The following NEK9 variants were observed in gnomAD, a reference collection of about 807,000 sequenced individuals.
NEK9 encodes NIMA related kinase 9.
Under a neutral mutation model 123.4 loss-of-function variants are expected in NEK9, and 75 were observed. The observed-to-expected ratio is 0.61, with a 90% CI of 0.50 to 0.74. The LOEUF is 0.74. Among genes scored for constraint, NEK9 ranks in the 30% least tolerant of loss-of-function variants. NEK9 has a pLI of 0.00. For missense variants in NEK9, 952 were observed against 1,214.4 expected (o/e 0.78, Z 3.21); for synonymous variants, 438 against 458.7 (o/e 0.95, Z 0.58).
At chr14:75,120,706 T>TC in intron 3 of NEK9, 126 bp from the exon 4 acceptor site, 1 of 730,840 alleles carries the variant, frequency 1.4e-6, no homozygotes, top group African/African-American at 1.8e-5. Flanking sequence ...TGACTTGACA[T>TC]CTCTTCCTTG....
rs11159116 is a variant in NEK9 at position 75,083,881 on chromosome 14, G to C, written c.*683C>G. 5 of 152,026 alleles carry C rather than the reference G, an allele frequency of 3.3e-5. No homozygotes were observed. Among genetic ancestry groups the C allele is most frequent in the Admixed American group, 6.6e-5 (1 of 15,260 alleles). 9.4% of individuals were successfully genotyped at this position (152,026 alleles called of 1,614,324 possible). A position where few individuals can be genotyped will look rare whatever the true frequency, so the allele number is the denominator to read the frequency against. On this transcript the variant is annotated 3_prime_UTR_variant, in exon 22 of 22. Transcript: ENST00000238616. The stretch of plus-strand genomic sequence containing the variant: ...GCCTGAAACACCAGCTGTGTGATGA[G>C]GAGGGTCCTGCCCTTTCTCTATTCC...
intron 6 of NEK9, among the ~76,000 whole-genome samples, chr14:75,115,068 T>C (rs1199805475): frequency 1.0e-5 from 1 of 98,110 alleles, no homozygotes; most frequent in Non-Finnish European, 2.3e-5. Flanking sequence ...CACACGTGTG[T>C]GCACATATAT....
rs199728487 is a variant in NEK9, at chr14:75,103,129, G to A, written c.1731+713C>T. ...AATGGGTACAGCACACCAACATGGC[G>A]TATGTATACATATGTAACAAACCTG... On this transcript the variant is annotated intron_variant, in intron 14 of 21. Coordinates refer to ENST00000238616, the MANE Select transcript of NEK9 (RefSeq NM_033116.6). 1.7e-4 allele frequency among the ~76,000 whole-genome samples: 26 copies of A among 151,538 alleles called. 1 individual carries two copies. Among genetic ancestry groups the A allele is most frequent in the South Asian group, 8.4e-4 (4 of 4,784 alleles).
chr14:75,111,645 C>T (rs1415109628), intron 8 of NEK9, among the ~76,000 whole-genome samples: 1 of 152,134 alleles, frequency 6.6e-6, no homozygotes, highest in Non-Finnish European at 1.5e-5. Flanking sequence ...AATCCCAGTA[C>T]TTTGGGAGGC....
rs1334675100 is a variant in NEK9 at position 75,080,361 on chromosome 14, T to C, written c.*4203A>G. The C allele has an allele frequency of 1.3e-5, 2 of 150,562 alleles. No homozygotes were observed. The allele number at this position is 150,562 out of a possible 1,614,324, so 9.3% of individuals were successfully genotyped here. A position where few individuals can be genotyped will look rare whatever the true frequency, so the allele number is the denominator to read the frequency against. On this transcript the variant is annotated 3_prime_UTR_variant, in exon 22 of 22. Transcript: ENST00000238616. ...AAAAAAGAAAAAAAAAAAAGAAATA[T>C]CTTTCATCTTTTAAATTTATCTTGA...
intron 6 of NEK9, among the ~76,000 whole-genome samples, chr14:75,114,640 T>C (rs891045772): frequency 6.6e-6 from 1 of 152,192 alleles, no homozygotes; most frequent in African/African-American, 2.4e-5. Flanking sequence ...TGTAGTTCCC[T>C]TGCCAACTAA....
intron 11 of NEK9, 60 bp downstream of exon 11, chr14:75,107,283 G>A (rs1331787413): frequency 1.9e-6 from 3 of 1,557,978 alleles, no homozygotes; most frequent in Non-Finnish European, 2.6e-6. Flanking sequence ...AGATTGCACA[G>A]CATTAAGCAA....
chr14:75,121,667 G>A (rs781084857), intron 2 of NEK9, among the ~76,000 whole-genome samples: 17 of 152,154 alleles, frequency 1.1e-4, no homozygotes, highest in Non-Finnish European at 1.6e-4. Context: ...TGGGCAACAC[G>A]GCAAAACCCT....
chr14:75,120,057 G>C (rs1338071202), intron 4 of NEK9, among the ~76,000 whole-genome samples: 1 of 152,200 alleles, frequency 6.6e-6, no homozygotes, highest in African/African-American at 2.4e-5. Flanking sequence ...TCTATAGCTA[G>C]AAATGAATGC....
At position 75,120,492 on chromosome 14, in the gene NEK9, A is replaced by T. The variant is rs1378770712; in HGVS notation, c.524+18T>A. ...ATTGGTAGGGAAGAATCCATCCATA[A>T]TTTTTTTTACTTCTTACCTATGAAG... On this transcript the variant is annotated intron_variant, in intron 4 of 21. Coordinates refer to ENST00000238616, the MANE Select transcript of NEK9 (RefSeq NM_033116.6). 1.3e-6 allele frequency: 2 copies of T among 1,583,750 alleles called. No homozygotes were observed. Among genetic ancestry groups the T allele is most frequent in the Non-Finnish European group, 1.7e-6 (2 of 1,155,940 alleles).
Position 75,126,990 on chromosome 14 carries a change from T to C in NEK9, c.-69A>G. On this transcript the variant is annotated 5_prime_UTR_variant, in exon 1 of 22. Transcript: ENST00000238616. ...AGGCCCTGGCCGCGCTGCGTCCCGC[T>C]CGCTTCAGATGCCGGCCCGCGGATC... is the stretch of plus-strand genomic sequence containing the variant. 2 of 1,285,924 alleles carry C rather than the reference T, an allele frequency of 1.6e-6. No homozygotes were observed. The highest frequency in any genetic ancestry group is 2.1e-6 in the Non-Finnish European group (2 of 974,462). 79.7% of individuals were successfully genotyped at this position (1,285,924 alleles called of 1,614,324 possible).
chr14:75,107,119 C>A (rs1894803520), intron 11 of NEK9, among the ~76,000 whole-genome samples: 1 of 152,014 alleles, frequency 6.6e-6, no homozygotes, highest in South Asian at 2.1e-4. Flanking sequence ...CACATTTTCT[C>A]CTGATCCCAC....
chr14:75,088,905 T>G (rs1197596932), intron 19 of NEK9, among the ~76,000 whole-genome samples: 1 of 152,158 alleles, frequency 6.6e-6, no homozygotes, highest in Non-Finnish European at 1.5e-5. Context: ...CTACACAGGC[T>G]ATTCAGTGAG....
intron 11 of NEK9, among the ~76,000 whole-genome samples, chr14:75,107,048 A>G (rs1894801064): frequency 6.6e-6 from 1 of 152,064 alleles, no homozygotes; most frequent in South Asian, 2.1e-4. Context: ...TCTTGATCCT[A>G]ATTTTGTGTT....
chr14:75,126,678 G>A (rs1375002276), intron 1 of NEK9, 25 bp downstream of exon 1: 1 of 1,391,246 alleles, frequency 7.2e-7, no homozygotes, highest in Non-Finnish European at 9.3e-7. Flanking sequence ...CGCCAGACAG[G>A]GCGGCCGGCG....
In NEK9 at chr14:75,084,473, C is replaced by G. The variant is rs1402694830; in HGVS notation, c.*91G>C. 7 of 1,521,898 alleles carry G rather than the reference C, an allele frequency of 4.6e-6. No individual in the cohort carries two copies. The African/African-American group carries it at 9.7e-5, about 21-fold the overall frequency. 94.3% of individuals were successfully genotyped at this position (1,521,898 alleles called of 1,614,324 possible). A position where few individuals can be genotyped will look rare whatever the true frequency, so the allele number is the denominator to read the frequency against. Reference sequence around the variant, plus strand: ...CTTGCGCTCCTTTTCTGCAAGTGAACAAAGCCAGGAAAGCTGCTCTCTGCA... The same window carrying G: ...CTTGCGCTCCTTTTCTGCAAGTGAAGAAAGCCAGGAAAGCTGCTCTCTGCA... On this transcript the variant is annotated 3_prime_UTR_variant, in exon 22 of 22. Coordinates refer to ENST00000238616, the MANE Select transcript of NEK9 (RefSeq NM_033116.6).
Position 75,088,359 on chromosome 14 carries a change from A to G in NEK9, c.2604+121T>C, listed in dbSNP as rs570928301. ...AGGCTTTAAGTACTGCTGAATAGAC[A>G]GTATAATGAGTTGATGCAGGGCAGC... On this transcript the variant is annotated intron_variant, in intron 20 of 21. Transcript: ENST00000238616. 17 of 898,014 alleles carry G rather than the reference A, an allele frequency of 1.9e-5. No individual in the cohort carries two copies. In the African/African-American group the frequency reaches 2.3e-4, roughly 12 times the overall value. The allele number at this position is 898,014 out of a possible 1,614,324, so 55.6% of individuals were successfully genotyped here. A position where few individuals can be genotyped will look rare whatever the true frequency, so the allele number is the denominator to read the frequency against.
intron 21 of NEK9, chr14:75,086,666 G>T (rs1257914844): frequency 4.3e-6 from 1 of 232,158 alleles, no homozygotes; most frequent in South Asian, 6.2e-5. Context: ...CCAGCACTTT[G>T]GGAGGCTGAG....
intron 6 of NEK9, among the ~76,000 whole-genome samples, chr14:75,115,016 C>T (rs1248763232): frequency 2.0e-5 from 3 of 150,938 alleles, no homozygotes; most frequent in South Asian, 2.1e-4. Flanking sequence ...TATACACACA[C>T]ATATATGTGT....
Sources: gnomAD v4.1 joint callset for allele counts (sites outside exome capture counted in the v4.1 genomes callset) on GRCh38, gnomAD v4.1.1 for gene constraint, MANE v1.5 for transcripts, NCBI Gene and HGNC (gene_info 2026-07-23, HGNC 2026-07-21) for gene names.